PEAK3: variants seen among roughly 807,000 people sequenced by gnomAD.
The protein encoded by PEAK3 is PEAK family member 3.
In PEAK3, 15 loss-of-function variants were observed where a neutral mutation model predicts 13.3. The ratio of observed to expected loss-of-function variants is 1.13; its 90% confidence interval spans 0.75 to 1.73. The LOEUF is 1.73. Ranked by LOEUF, PEAK3 falls within the 40% of genes most tolerant of loss-of-function variation. The pLI is 0.00. For synonymous variants in PEAK3, 347 were observed against 341.9 expected (o/e 1.01, Z -0.17); for missense variants, 739 against 690.2 (o/e 1.07, Z -0.79).
intron 3 of PEAK3, 92 bp downstream of exon 3, chr19:2,278,492 A>T: frequency 7.7e-7 from 1 of 1,297,758 alleles, no homozygotes; most frequent in Non-Finnish European, 1.0e-6. Flanking sequence ...GTGAGAACTG[A>T]CTCACAGAAA....
At chr19:2,277,497 CT>C (rs1490350361) in intron 3 of PEAK3, among the ~76,000 whole-genome samples, 1 of 152,126 alleles carries the variant, frequency 6.6e-6, no homozygotes, top group Non-Finnish European at 1.5e-5. Flanking sequence ...AATTAAGGCC[CT>C]TTTCTCTATA....
rs1236816695 is a variant in PEAK3, at chr19:2,276,004, C to T, written c.1098G>A (p.Ser366=). Residue 366 remains serine, a synonymous_variant, in exon 4 of 4, where the codon TCG becomes TCA. Transcript: ENST00000342063. ...LRALLSLAAP[S]TTPLAAGLEL... ...CCAGGCCCGCGGCCAAAGGCGTGGT[C>T]GAGGGCGCAGCAAGGCTGAGCAGCG... 10 of 1,416,150 alleles carry T rather than the reference C, an allele frequency of 7.1e-6. No homozygotes were observed. 87.7% of individuals were successfully genotyped at this position (1,416,150 alleles called of 1,614,324 possible). A position where few individuals can be genotyped will look rare whatever the true frequency, so the allele number is the denominator to read the frequency against.
At position 2,275,954 on chromosome 19, in the gene PEAK3, CG is replaced by C; in HGVS notation, c.1147del (p.Arg383AlafsTer53). 7.1e-7 allele frequency: 1 copy of C among 1,399,764 alleles called. No homozygotes were observed. Among genetic ancestry groups the C allele is most frequent in the Non-Finnish European group, 9.2e-7 (1 of 1,084,438 alleles). 86.7% of individuals were successfully genotyped at this position (1,399,764 alleles called of 1,614,324 possible). A position where few individuals can be genotyped will look rare whatever the true frequency, so the allele number is the denominator to read the frequency against. ...GLELLAAQLT[R>X]LRPSASRTRG... ...CGTCCGGGACGCCGAGGGCCGCAAG[CG>C]GGTCAGCTGTGCTGCCAGGAGCTCC... On this transcript the variant is annotated frameshift_variant, in exon 4 of 4. Transcript: ENST00000342063. LOFTEE classifies it low-confidence loss of function (END_TRUNC).
At chr19:2,276,808 G>A (rs547212007) in intron 3 of PEAK3, among the ~76,000 whole-genome samples, 2 of 152,302 alleles carry the variant, frequency 1.3e-5, no homozygotes, top group African/African-American at 2.4e-5. Context: ...GAGGTCAGGA[G>A]TTCGAGACCA....
chr19:2,278,607 C>G lies in PEAK3; in HGVS notation c.589G>C (p.Ala197Pro). The change falls in exon 3 of 4, where the codon GCC becomes CCC. Residue 197 changes from alanine (A) to proline (P), a missense_variant. Physicochemically the swap from Ala to Pro is conservative, Grantham distance 27. Coordinates refer to ENST00000342063, the MANE Select transcript of PEAK3 (RefSeq NM_198532.3). ...YYRVVRAHEDAWHILVAKVPK... is the reference protein window; with the variant it reads ...YYRVVRAHEDPWHILVAKVPK... Reference sequence around the variant, plus strand: ...ACCTTGGCGACCAGGATGTGCCAGGCGTCCTCGTGCGCGCGCACCACGCGG... The same window carrying G: ...ACCTTGGCGACCAGGATGTGCCAGGGGTCCTCGTGCGCGCGCACCACGCGG... 1 of 1,485,036 alleles carries G rather than the reference C, an allele frequency of 6.7e-7. No homozygotes were observed. The highest frequency in any genetic ancestry group is 8.9e-7 in the Non-Finnish European group (1 of 1,117,338). The allele number at this position is 1,485,036 out of a possible 1,614,324, so 92.0% of individuals were successfully genotyped here.
chr19:2,276,192 C>A lies in PEAK3; in HGVS notation c.910G>T (p.Glu304Ter), dbSNP rs765811346. ...FLEAWGAALV[E>*]LRPENLLLVA... ...AGCAGCAAGTTCTCCGGCCGCAACT[C>A]GACTAGGGCCGCGCCCCACGCCTCC... Residue 304 changes from glutamate to a stop codon, truncating the protein, a stop_gained, in exon 4 of 4, where the codon GAG (glutamate) becomes TAG (stop). Coordinates refer to ENST00000342063, the MANE Select transcript of PEAK3 (RefSeq NM_198532.3). LOFTEE classifies it low-confidence loss of function (END_TRUNC). The A allele has an allele frequency of 3.2e-6, 5 of 1,555,762 alleles. No individual in the cohort carries two copies. In the African/African-American group the frequency reaches 6.8e-5, roughly 21 times the overall value.
chr19:2,278,123 A>C (rs2025407182), intron 3 of PEAK3, among the ~76,000 whole-genome samples: 1 of 149,144 alleles, frequency 6.7e-6, no homozygotes, highest in African/African-American at 2.5e-5. Context: ...TCGGCCTCCC[A>C]AAGTGCTGGG....
In PEAK3 at chr19:2,280,797, C is replaced by A. The variant is rs12460518; in HGVS notation, c.82+53G>T. The A allele has an allele frequency of 0.026, 37,180 of 1,429,086 alleles. 2,761 individuals are homozygous for A. The East Asian group carries it at 0.3, about 12-fold the overall frequency. 88.5% of individuals were successfully genotyped at this position (1,429,086 alleles called of 1,614,324 possible). On this transcript the variant is annotated intron_variant, in intron 2 of 3. Transcript: ENST00000342063. ...CACCCACCTGCCGCTCCCTGCACCC[C>A]CCTGCCGCTCCCTGCACCCCCGCAG...
At position 2,278,825 on chromosome 19, in the gene PEAK3, G is replaced by A. The variant is rs982888621; in HGVS notation, c.371C>T (p.Ser124Phe). ...CTCCGGGCTGTGCAGATCGCGGAGGGAGAGGCCCAGTGGGGCGTCAGCCGG... is the reference window on the plus strand; with the variant it reads ...CTCCGGGCTGTGCAGATCGCGGAGGAAGAGGCCCAGTGGGGCGTCAGCCGG... ...FGPADAPLGL[S>F]LRDLHSPEAV... The change falls in exon 3 of 4, where the codon TCC becomes TTC. Residue 124 changes from serine to phenylalanine, a missense_variant. Ser to Phe is a radical substitution (Grantham distance 155). Coordinates refer to ENST00000342063, the MANE Select transcript of PEAK3 (RefSeq NM_198532.3). 8.8e-6 allele frequency: 14 copies of A among 1,596,134 alleles called. No homozygotes were observed. Among genetic ancestry groups the A allele is most frequent in the African/African-American group, 2.7e-5 (2 of 74,480 alleles).
At position 2,278,692 on chromosome 19, in the gene PEAK3, G is replaced by A. The variant is rs1264504765; in HGVS notation, c.504C>T (p.Gly168=). ...AGCTGTCTAGGAGGCGGAAGCTGTGGCCGGGGTGGCAGGGCCCGGGGTGGC... is the reference window on the plus strand; with the variant it reads ...AGCTGTCTAGGAGGCGGAAGCTGTGACCGGGGTGGCAGGGCCCGGGGTGGC... ...MGGHPGPCHP[G]HSFRLLDSSP... The change falls in exon 3 of 4, where the codon GGC becomes GGT. Residue 168 remains glycine, a synonymous_variant. Transcript: ENST00000342063. 2 of 1,526,818 alleles carry A rather than the reference G, an allele frequency of 1.3e-6. No individual in the cohort carries two copies. Among genetic ancestry groups the A allele is most frequent in the Middle Eastern group, 1.8e-4 (1 of 5,682 alleles). The allele number at this position is 1,526,818 out of a possible 1,614,324, so 94.6% of individuals were successfully genotyped here. A position where few individuals can be genotyped will look rare whatever the true frequency, so the allele number is the denominator to read the frequency against.
In PEAK3 at chr19:2,279,091, C is replaced by T. The variant is rs1395606056; in HGVS notation, c.105G>A (p.Leu35=). The change falls in exon 3 of 4, where the codon CTG becomes CTA. Residue 35 remains leucine, a synonymous_variant. Coordinates refer to ENST00000342063, the MANE Select transcript of PEAK3 (RefSeq NM_198532.3). ...TCCGGAGGCGGCAGGCCTTGGAGGG[C>T]AGCAGGTGGGCACGGATCTGACCTG... ...SNLGQIRAHL[L]PSKACRLRTP... 3.4e-6 allele frequency: 5 copies of T among 1,454,858 alleles called. No homozygotes were observed. Among genetic ancestry groups the T allele is most frequent in the East Asian group, 2.5e-5 (1 of 40,478 alleles). 90.1% of individuals were successfully genotyped at this position (1,454,858 alleles called of 1,614,324 possible). A position where few individuals can be genotyped will look rare whatever the true frequency, so the allele number is the denominator to read the frequency against.
chr19:2,275,933 CG>C lies in PEAK3; in HGVS notation c.1168del (p.Arg390GlyfsTer46), dbSNP rs2025381291. The C allele has an allele frequency of 1.4e-6, 2 of 1,381,692 alleles. No individual in the cohort carries two copies. Among genetic ancestry groups the C allele is most frequent in the Non-Finnish European group, 1.9e-6 (2 of 1,075,574 alleles). The allele number at this position is 1,381,692 out of a possible 1,614,324, so 85.6% of individuals were successfully genotyped here. On this transcript the variant is annotated frameshift_variant, in exon 4 of 4. Transcript: ENST00000342063. LOFTEE classifies it low-confidence loss of function (END_TRUNC). ...CAGCGCCTGCAGCGCGCCCCGCGTC[CG>C]GGACGCCGAGGGCCGCAAGCGGGTC... ...QLTRLRPSAS[R>X]TRGALQALLW...
rs371625189 is a variant in PEAK3, at chr19:2,280,832, C to T, written c.82+18G>A. On this transcript the variant is annotated intron_variant, in intron 2 of 3. Transcript: ENST00000342063. ...CCCTGCACCCCCGCAGCCCAGGGCT[C>T]CCTGGGGAGCTGCTTACCAAGGTTG... 8.7e-6 allele frequency: 14 copies of T among 1,601,936 alleles called. No individual in the cohort carries two copies. Among genetic ancestry groups the T allele is most frequent in the South Asian group, 3.3e-5 (3 of 89,896 alleles).
In PEAK3 at chr19:2,278,835, G is replaced by A; in HGVS notation, c.361C>T (p.Leu121=). 1 of 1,597,246 alleles carries A rather than the reference G, an allele frequency of 6.3e-7. No individual in the cohort carries two copies. Among genetic ancestry groups the A allele is most frequent in the Non-Finnish European group, 8.5e-7 (1 of 1,172,302 alleles). Reference sequence around the variant, plus strand: ...TGCAGATCGCGGAGGGAGAGGCCCAGTGGGGCGTCAGCCGGGCCAAAGGTC... The same window carrying A: ...TGCAGATCGCGGAGGGAGAGGCCCAATGGGGCGTCAGCCGGGCCAAAGGTC... The part of the protein sequence containing the change: ...ELTFGPADAP[L]GLSLRDLHSP... Residue 121 remains leucine (L), a synonymous_variant, in exon 3 of 4, where the codon CTG becomes TTG. Coordinates refer to ENST00000342063, the MANE Select transcript of PEAK3 (RefSeq NM_198532.3).
rs1417662812 is a variant in PEAK3 at position 2,276,205 on chromosome 19, G to A, written c.897C>T (p.Gly299=). ...SAALKFLEAW[G]AALVELRPEN... ...CCGGCCGCAACTCGACTAGGGCCGC[G>A]CCCCACGCCTCCAGGAACTTCAGGG... The change falls in exon 4 of 4, where the codon GGC becomes GGT. Residue 299 remains glycine (G), a synonymous_variant. Coordinates refer to ENST00000342063, the MANE Select transcript of PEAK3 (RefSeq NM_198532.3). The A allele has an allele frequency of 2.6e-6, 4 of 1,564,654 alleles. No individual in the cohort carries two copies. In the South Asian group the frequency reaches 3.5e-5, roughly 14 times the overall value.
chr19:2,278,631 G>A lies in PEAK3; in HGVS notation c.565C>T (p.Arg189Cys), dbSNP rs771600212. ...GCGTCCTCGTGCGCGCGCACCACGC[G>A]GTAATACAGGGCGTCCCCGCTCTCT... is the stretch of plus-strand genomic sequence containing the variant. ...CAESGDALYYRVVRAHEDAWH... is the reference protein window; with the variant it reads ...CAESGDALYYCVVRAHEDAWH... Residue 189 changes from arginine to cysteine, a missense_variant, in exon 3 of 4, where the codon CGC (arginine) becomes TGC (cysteine). Coordinates refer to ENST00000342063, the MANE Select transcript of PEAK3 (RefSeq NM_198532.3). The A allele has an allele frequency of 2.1e-5, 31 of 1,502,750 alleles. No homozygotes were observed. Among genetic ancestry groups the A allele is most frequent in the Admixed American group, 4.6e-5 (2 of 43,528 alleles). 93.1% of individuals were successfully genotyped at this position (1,502,750 alleles called of 1,614,324 possible).
chr19:2,280,470 G>C (rs12460315), intron 2 of PEAK3, among the ~76,000 whole-genome samples: 8 of 151,624 alleles, frequency 5.3e-5, no homozygotes, highest in Non-Finnish European at 1.2e-4. Flanking sequence ...TCAGCTTCCC[G>C]AGCAGCTGGG....
In PEAK3 at chr19:2,276,181, C is replaced by T. The variant is rs764019716; in HGVS notation, c.921G>A (p.Pro307=). The change falls in exon 4 of 4, where the codon CCG becomes CCA. Residue 307 remains proline (P), a synonymous_variant. Transcript: ENST00000342063. ...AWGAALVELR[P]ENLLLVAPRG... The stretch of plus-strand genomic sequence containing the variant: ...GAGGTGCCACCAGCAGCAAGTTCTC[C>T]GGCCGCAACTCGACTAGGGCCGCGC... 2 of 1,550,510 alleles carry T rather than the reference C, an allele frequency of 1.3e-6. No homozygotes were observed. Among genetic ancestry groups the T allele is most frequent in the Non-Finnish European group, 1.7e-6 (2 of 1,149,944 alleles).
intron 3 of PEAK3, among the ~76,000 whole-genome samples, 179 bp from the exon 4 acceptor site, chr19:2,276,668 C>G (rs1189816836): frequency 6.6e-6 from 1 of 152,140 alleles, no homozygotes; most frequent in East Asian, 1.9e-4. Context: ...AAGTTAGTCA[C>G]CAGTAAGGAC....
Sources: gnomAD v4.1 joint callset for allele counts (sites outside exome capture counted in the v4.1 genomes callset) on GRCh38, gnomAD v4.1.1 for gene constraint, MANE v1.5 for transcripts, NCBI Gene and HGNC (gene_info 2026-07-23, HGNC 2026-07-21) for gene names.